Variants in ZNF740 observed in about 807,000 individuals in gnomAD.
ZNF740 encodes the protein zinc finger protein 740, also known as oriLyt TD-element-binding protein 7.
Under a neutral mutation model 24.8 loss-of-function variants are expected in ZNF740, and 14 were observed. That is an observed-to-expected ratio of 0.56 (90% CI 0.37 to 0.88). The LOEUF is 0.88. Ranked by LOEUF, ZNF740 falls within the 40% of genes least tolerant of loss-of-function variation. The probability of loss-of-function intolerance (pLI) is 0.00; values close to 1 mark genes in which losing one functional copy is unlikely to be tolerated. For missense variants in ZNF740, 201 were observed against 247.9 expected (o/e 0.81, Z 1.27); for synonymous variants, 69 against 84.0 (o/e 0.82, Z 0.98).
In ZNF740 at chr12:53,194,028, T is replaced by C; in HGVS notation, c.*6438T>C. The C allele has an allele frequency of 7.7e-7, 1 of 1,305,784 alleles. No homozygotes were observed. Among genetic ancestry groups the C allele is most frequent in the Non-Finnish European group, 1.1e-6 (1 of 936,806 alleles). The allele number at this position is 1,305,784 out of a possible 1,614,324, so 80.9% of individuals were successfully genotyped here. ...TGGGGTCATGTTAACACCCAACTCC[T>C]AGAAACATGCCTGAGGAAGCCACTC... On this transcript the variant is annotated 3_prime_UTR_variant, in exon 7 of 7. Coordinates refer to ENST00000416904, the MANE Select transcript of ZNF740 (RefSeq NM_001004304.4).
rs985846287 is a variant in ZNF740, at chr12:53,184,942, G to A, written c.61G>A (p.Ala21Thr). The change falls in exon 3 of 7, where the codon GCA (alanine) becomes ACA (threonine). Residue 21 changes from alanine to threonine, a missense_variant. Physicochemically the swap from Ala to Thr is moderately conservative, Grantham distance 58. This residue lies in a region of ZNF740 where 117 missense variants were observed against 122.3 expected (regional missense o/e 0.96). Coordinates refer to ENST00000416904, the MANE Select transcript of ZNF740 (RefSeq NM_001004304.4). ...AGCAGGTGTGAGTTTGGTTCCCACT[G>A]CAGCCAGCAAGAAGATGATGCTGAG... ...GLAGVSLVPT[A>T]ASKKMMLSQI... 1 of 1,614,010 alleles carries A rather than the reference G, an allele frequency of 6.2e-7. No individual in the cohort carries two copies. Among genetic ancestry groups the A allele is most frequent in the South Asian group, 1.1e-5 (1 of 91,070 alleles).
chr12:53,194,137 G>A lies in ZNF740; in HGVS notation c.*6547G>A. 1 of 1,606,086 alleles carries A rather than the reference G, an allele frequency of 6.2e-7. No individual in the cohort carries two copies. The highest frequency in any genetic ancestry group is 8.5e-7 in the Non-Finnish European group (1 of 1,174,276). ...ACCTGCCACCCATCTTTTCCTGCCT[G>A]CTTAATTTCCCACTCCCACCTCCCC... On this transcript the variant is annotated 3_prime_UTR_variant, in exon 7 of 7. Coordinates refer to ENST00000416904, the MANE Select transcript of ZNF740 (RefSeq NM_001004304.4).
Position 53,192,945 on chromosome 12 carries a change from C to T in ZNF740, c.*5355C>T. ...AGCCATGCAGAGGGTGACAACCATACTCCACACACACAGTTGGCCATCATG... is the reference window on the plus strand; with the variant it reads ...AGCCATGCAGAGGGTGACAACCATATTCCACACACACAGTTGGCCATCATG... On this transcript the variant is annotated 3_prime_UTR_variant, in exon 7 of 7. Coordinates refer to ENST00000416904, the MANE Select transcript of ZNF740 (RefSeq NM_001004304.4). 1 of 1,594,852 alleles carries T rather than the reference C, an allele frequency of 6.3e-7. No individual in the cohort carries two copies. Among genetic ancestry groups the T allele is most frequent in the Non-Finnish European group, 8.6e-7 (1 of 1,163,924 alleles).
intron 2 of ZNF740, among the ~76,000 whole-genome samples, chr12:53,184,150 T>TGTGTGTGTGTGTGTGTGTGCGCGCGCGC (rs59250662): frequency 1.9e-5 from 2 of 104,346 alleles, no homozygotes; most frequent in African/African-American, 7.5e-5. Context: ...TGTGTGTGTG[T>TGTGTGTGTGTGTGTGTGTGCGCGCGCGC]GCGCGCGCGC....
Position 53,190,022 on chromosome 12 carries a change from CTGGG to C in ZNF740, c.*2441_*2444del, listed in dbSNP as rs975255841. The stretch of plus-strand genomic sequence containing the variant: ...GTTCCCACAGACCTTGGTTTCCTGC[CTGGG>C]TGGGTGGGAGGGAGGGAACTTCAGA... On this transcript the variant is annotated 3_prime_UTR_variant, in exon 7 of 7. Transcript: ENST00000416904. The C allele has an allele frequency of 1.8e-4, 10 of 54,948 alleles. No homozygotes were observed. Among genetic ancestry groups the C allele is most frequent in the African/African-American group, 6.6e-4 (9 of 13,572 alleles). 3.4% of individuals were successfully genotyped at this position (54,948 alleles called of 1,614,324 possible).
Position 53,192,578 on chromosome 12 carries a change from G to C in ZNF740, c.*4988G>C. The stretch of plus-strand genomic sequence containing the variant: ...CCAATAGGTTACCAGCTGGGCAGTT[G>C]TCACCCAATGCCCCTTGCCCAACTA... On this transcript the variant is annotated 3_prime_UTR_variant, in exon 7 of 7. Transcript: ENST00000416904. 1 of 1,605,032 alleles carries C rather than the reference G, an allele frequency of 6.2e-7. No individual in the cohort carries two copies. The highest frequency in any genetic ancestry group is 8.5e-7 in the Non-Finnish European group (1 of 1,173,176).
intron 6 of ZNF740, chr12:53,186,873 G>A (rs1278932165): frequency 2.6e-5 from 5 of 195,772 alleles, no homozygotes; most frequent in East Asian, 1.2e-4. Flanking sequence ...CAGGGACACC[G>A]CAGATCACGA....
chr12:53,189,864 C>T lies in ZNF740; in HGVS notation c.*2274C>T, dbSNP rs1358239719. On this transcript the variant is annotated 3_prime_UTR_variant, in exon 7 of 7. Transcript: ENST00000416904. The stretch of plus-strand genomic sequence containing the variant: ...CCAAAAATGCTTTTGAAAATGAGAG[C>T]CCTCTGTCCCTGCCACTTACAGCTA... 6.6e-6 allele frequency: 1 copy of T among 152,158 alleles called. No individual in the cohort carries two copies. The highest frequency in any genetic ancestry group is 1.5e-5 in the Non-Finnish European group (1 of 68,042). The allele number at this position is 152,158 out of a possible 1,614,324, so 9.4% of individuals were successfully genotyped here. A position where few individuals can be genotyped will look rare whatever the true frequency, so the allele number is the denominator to read the frequency against.
intron 4 of ZNF740, among the ~76,000 whole-genome samples, 154 bp downstream of exon 4, chr12:53,185,630 C>G (rs1941808037): frequency 6.6e-6 from 1 of 152,140 alleles, no homozygotes; most frequent in Non-Finnish European, 1.5e-5. Context: ...CAGAGACTAC[C>G]TTGGTAGTTG....
chr12:53,185,932 C>G (rs769764694), intron 4 of ZNF740, 22 bp from the exon 5 acceptor site: 11 of 1,612,444 alleles, frequency 6.8e-6, no homozygotes, highest in Non-Finnish European at 9.3e-6. Context: ...GGCCTCATGA[C>G]ATGCCTGATT....
At position 53,189,351 on chromosome 12, in the gene ZNF740, CAGT is replaced by C. The variant is rs2120367038; in HGVS notation, c.*1764_*1766del. 6.6e-6 allele frequency: 1 copy of C among 151,010 alleles called. No homozygotes were observed. The highest frequency in any genetic ancestry group is 2.0e-4 in the East Asian group (1 of 5,114). The allele number at this position is 151,010 out of a possible 1,614,324, so 9.4% of individuals were successfully genotyped here. ...TGGCTGAACCTGAGTGCCAAGCTGT[CAGT>C]AGGGTCTGAGATGGGAAACTCCTGA... On this transcript the variant is annotated 3_prime_UTR_variant, in exon 7 of 7. Coordinates refer to ENST00000416904, the MANE Select transcript of ZNF740 (RefSeq NM_001004304.4).
rs1941852725 is a variant in ZNF740, at chr12:53,187,806, A to G, written c.*216A>G. 5 of 544,496 alleles carry G rather than the reference A, an allele frequency of 9.2e-6. No homozygotes were observed. Among genetic ancestry groups the G allele is most frequent in the Admixed American group, 3.1e-5 (1 of 31,786 alleles). The allele number at this position is 544,496 out of a possible 1,614,324, so 33.7% of individuals were successfully genotyped here. ...ATGAGTATCTCGGGGAAGTTCTTAC[A>G]GCATTCCTGGGTAGGGGAGCTAGTC... On this transcript the variant is annotated 3_prime_UTR_variant, in exon 7 of 7. Transcript: ENST00000416904.
In ZNF740 at chr12:53,192,274, G is replaced by T. The variant is rs1941981733; in HGVS notation, c.*4684G>T. 3 of 1,551,270 alleles carry T rather than the reference G, an allele frequency of 1.9e-6. No individual in the cohort carries two copies. Among genetic ancestry groups the T allele is most frequent in the Non-Finnish European group, 2.7e-6 (3 of 1,125,846 alleles). On this transcript the variant is annotated 3_prime_UTR_variant, in exon 7 of 7. Transcript: ENST00000416904. ...CCATTATCTTCACTCTGCATCCCCA[G>T]AGTTGAGACCCTGCCCATCAAACTT...
At chr12:53,187,407 A>G in intron 6 of ZNF740, 94 bp from the exon 7 acceptor site, 1 of 999,316 alleles carries the variant, frequency 1.0e-6, no homozygotes, top group South Asian at 1.4e-5. Context: ...GAGGGGATGG[A>G]GAATGTGGTA....
rs538946582 is a variant in ZNF740 at position 53,192,094 on chromosome 12, C to T, written c.*4504C>T. On this transcript the variant is annotated 3_prime_UTR_variant, in exon 7 of 7. Transcript: ENST00000416904. Reference sequence around the variant, plus strand: ...GATCATCAGTTGCTCACAGTGTGTCCAGCCTGTCCAACCCTGTCTGTCACT... The same window carrying T: ...GATCATCAGTTGCTCACAGTGTGTCTAGCCTGTCCAACCCTGTCTGTCACT... 2.2e-5 allele frequency: 33 copies of T among 1,520,062 alleles called. No homozygotes were observed. In the South Asian group the frequency reaches 2.7e-4, roughly 13 times the overall value. The allele number at this position is 1,520,062 out of a possible 1,614,324, so 94.2% of individuals were successfully genotyped here.
intron 1 of ZNF740, chr12:53,181,474 C>T (rs772397928): frequency 2.0e-6 from 2 of 985,268 alleles, no homozygotes; most frequent in African/African-American, 1.7e-5. Context: ...TAGGAGGCCC[C>T]AATTACTTTT....
At chr12:53,185,557 C>G in intron 4 of ZNF740, 81 bp downstream of exon 4, 1 of 1,311,460 alleles carries the variant, frequency 7.6e-7, no homozygotes, top group Non-Finnish European at 1.1e-6. Context: ...ACCATGTAAC[C>G]TGGAGCTTTC....
Position 53,182,003 on chromosome 12 carries a change from C to G in ZNF740, c.9+11C>G. ...ATCAGCATGGCTCAGGTAAAAAGCT[C>G]TAGAGTCCTCCTCCAAGATAACTGG... On this transcript the variant is annotated intron_variant, in intron 2 of 6. Transcript: ENST00000416904. The G allele has an allele frequency of 1.2e-6, 2 of 1,607,252 alleles. No homozygotes were observed. The highest frequency in any genetic ancestry group is 2.2e-5 in the South Asian group (2 of 89,464).
In ZNF740 at chr12:53,192,664, C is replaced by G. The variant is rs1475775552; in HGVS notation, c.*5074C>G. On this transcript the variant is annotated 3_prime_UTR_variant, in exon 7 of 7. Coordinates refer to ENST00000416904, the MANE Select transcript of ZNF740 (RefSeq NM_001004304.4). ...CAACAAGCCCCACTGTGCCCCTGCT[C>G]CCAAGATGCAAGACCTGAGGCCTCA... 1 of 1,607,692 alleles carries G rather than the reference C, an allele frequency of 6.2e-7. No homozygotes were observed. Among genetic ancestry groups the G allele is most frequent in the Non-Finnish European group, 8.5e-7 (1 of 1,175,726 alleles).
Sources: allele counts gnomAD v4.1 joint callset (sites outside exome capture counted in the v4.1 genomes callset), GRCh38; gene constraint gnomAD v4.1.1; regional missense constraint gnomAD v4.1.1; transcripts MANE v1.5; gene names NCBI Gene and HGNC (gene_info 2026-07-23, HGNC 2026-07-21).